Variants in ASTN1 observed in about 807,000 individuals in gnomAD.
ASTN1 encodes the protein astrotactin 1.
Under a neutral mutation model 140.7 loss-of-function variants are expected in ASTN1, and 41 were observed. The ratio of observed to expected loss-of-function variants is 0.29; its 90% CI spans 0.23 to 0.38. The LOEUF (loss-of-function observed/expected upper bound fraction) is 0.38. Among genes scored for constraint, ASTN1 ranks in the 10% least tolerant of loss-of-function variants. ASTN1 has a pLI of 1.00. For missense variants in ASTN1, 1,479 were observed against 1,678.8 expected (o/e 0.88, Z 2.08); for synonymous variants, 640 against 652.2 (o/e 0.98, Z 0.29).
intron 3 of ASTN1, 77 bp from the exon 4 acceptor site, chr1:177,031,029 A>G: frequency 6.8e-7 from 1 of 1,475,312 alleles, no homozygotes; most frequent in Non-Finnish European, 9.2e-7. Flanking sequence ...ATCTGCATAA[A>G]CCAAGAAGAT....
At chr1:177,127,760 C>T (rs903975859) in intron 1 of ASTN1, among the ~76,000 whole-genome samples, 1 of 152,322 alleles carries the variant, frequency 6.6e-6, no homozygotes. Flanking sequence ...ATTTTACTTT[C>T]AAACTCTTTC....
chr1:176,941,812 C>A (rs373279334), intron 14 of ASTN1, among the ~76,000 whole-genome samples: 1 of 152,188 alleles, frequency 6.6e-6, no homozygotes, highest in East Asian at 1.9e-4. Flanking sequence ...GGTACCTACG[C>A]TATTTGTATG....
At chr1:177,129,609 T>C (rs943126418) in intron 1 of ASTN1, among the ~76,000 whole-genome samples, 2 of 152,046 alleles carry the variant, frequency 1.3e-5, no homozygotes, top group Non-Finnish European at 2.9e-5. Flanking sequence ...TTAACATTCT[T>C]GAGACCCAGT....
In ASTN1 at chr1:176,957,572, C is replaced by T. The variant is rs1672462366; in HGVS notation, c.1887+106G>A. The T allele has an allele frequency of 3.6e-6, 5 of 1,390,376 alleles. No individual in the cohort carries two copies. In the South Asian group the frequency reaches 4.2e-5, roughly 12 times the overall value. 86.1% of individuals were successfully genotyped at this position (1,390,376 alleles called of 1,614,324 possible). ...AATTTACACTAAATGGTGTTTACAA[C>T]TGGGGATCACAGCACATTTTTCCCT... On this transcript the variant is annotated intron_variant, in intron 11 of 22. Transcript: ENST00000361833.
chr1:177,150,719 G>A (rs189839158), intron 1 of ASTN1, among the ~76,000 whole-genome samples: 8 of 152,060 alleles, frequency 5.3e-5, no homozygotes, highest in African/African-American at 1.2e-4. Flanking sequence ...TTATGAAGGC[G>A]GAGTTGCAGG....
At chr1:177,103,039 C>A (rs1431958783) in intron 1 of ASTN1, among the ~76,000 whole-genome samples, 2 of 152,166 alleles carry the variant, frequency 1.3e-5, no homozygotes, top group South Asian at 2.1e-4. Flanking sequence ...GATAACAACA[C>A]CTACCTGCAA....
At chr1:177,124,975 G>A (rs561872969) in intron 1 of ASTN1, among the ~76,000 whole-genome samples, 3 of 152,342 alleles carry the variant, frequency 2.0e-5, no homozygotes, top group African/African-American at 7.2e-5. Context: ...CATCAGCTAA[G>A]TGCCTAGCAT....
intron 1 of ASTN1, among the ~76,000 whole-genome samples, chr1:177,106,129 A>G (rs895245461): frequency 1.8e-4 from 27 of 152,202 alleles, no homozygotes; most frequent in African/African-American, 5.3e-4. Flanking sequence ...AGCACTCTTC[A>G]TCATTATGCT....
intron 11 of ASTN1, among the ~76,000 whole-genome samples, chr1:176,953,440 C>G (rs1672275076): frequency 1.3e-5 from 2 of 152,228 alleles, no homozygotes; most frequent in East Asian, 3.8e-4. Context: ...ACTTCTTTTA[C>G]AAATAATGAT....
At chr1:176,900,887 T>A (rs1435121299) in intron 16 of ASTN1, among the ~76,000 whole-genome samples, 4 of 152,252 alleles carry the variant, frequency 2.6e-5, no homozygotes, top group African/African-American at 9.6e-5. Context: ...GACAAAATTA[T>A]GCCTTGTTCT....
At chr1:177,148,183 C>A (rs985280331) in intron 1 of ASTN1, among the ~76,000 whole-genome samples, 19 of 152,134 alleles carry the variant, frequency 1.2e-4, no homozygotes, top group Non-Finnish European at 2.9e-5. Context: ...CTTTGGGAGG[C>A]CGAGGCAGGC....
chr1:176,996,186 G>A (rs769257623), intron 8 of ASTN1, among the ~76,000 whole-genome samples: 2 of 151,794 alleles, frequency 1.3e-5, no homozygotes, highest in Non-Finnish European at 2.9e-5. Context: ...AAGGGACCAA[G>A]AAACTGAAAG....
intron 1 of ASTN1, among the ~76,000 whole-genome samples, chr1:177,117,103 C>A (rs1171721858): frequency 6.6e-6 from 1 of 152,094 alleles, no homozygotes; most frequent in Admixed American, 6.5e-5. Context: ...GCCATTATCT[C>A]TCTCTCCTCC....
intron 8 of ASTN1, among the ~76,000 whole-genome samples, chr1:176,973,265 T>A (rs1673218734): frequency 6.6e-6 from 1 of 152,240 alleles, no homozygotes; most frequent in African/African-American, 2.4e-5. Flanking sequence ...ATGCTTAGAA[T>A]TTATTCATTC....
At chr1:177,066,945 A>C (rs1678389405) in intron 1 of ASTN1, among the ~76,000 whole-genome samples, 1 of 152,108 alleles carries the variant, frequency 6.6e-6, no homozygotes, top group African/African-American at 2.4e-5. Flanking sequence ...TTTTAGCCTC[A>C]TGTTGAGGGC....
chr1:176,908,214 AC>A lies in ASTN1; in HGVS notation c.2672-13385del, dbSNP rs1670082457. On this transcript the variant is annotated intron_variant, in intron 16 of 22. Transcript: ENST00000361833. The stretch of plus-strand genomic sequence containing the variant: ...CTGGATGAAGGTTGACTAAGGAGCA[AC>A]AGCAGCAGCCATAGCAGCAAACAGA... 3.3e-5 allele frequency among the ~76,000 whole-genome samples: 5 copies of A among 152,248 alleles called. No homozygotes were observed. The South Asian group carries it at 1.0e-3, about 32-fold the overall frequency.
At chr1:176,958,233 A>C in intron 10 of ASTN1, 112 bp downstream of exon 10, 1 of 1,542,210 alleles carries the variant, frequency 6.5e-7, no homozygotes, top group Non-Finnish European at 8.8e-7. Flanking sequence ...CTGCCTGCCA[A>C]TTTTTCCTTT....
chr1:177,154,895 A>G (rs1683177988), intron 1 of ASTN1, among the ~76,000 whole-genome samples: 1 of 152,188 alleles, frequency 6.6e-6, no homozygotes, highest in African/African-American at 2.4e-5. Flanking sequence ...GAAAGCACAC[A>G]AAAATCTGCA....
At chr1:177,115,482 C>A (rs1371353177) in intron 1 of ASTN1, among the ~76,000 whole-genome samples, 1 of 151,740 alleles carries the variant, frequency 6.6e-6, no homozygotes, top group Non-Finnish European at 1.5e-5. Context: ...CATGGTGAAC[C>A]CCTACCTCTA....
Sources: allele counts gnomAD v4.1 joint callset (sites outside exome capture counted in the v4.1 genomes callset), GRCh38; gene constraint gnomAD v4.1.1; transcripts MANE v1.5; gene names NCBI Gene and HGNC (gene_info 2026-07-23, HGNC 2026-07-21).